The following FRMD4A variants were observed in gnomAD, a reference collection of about 807,000 sequenced individuals.
The protein encoded by FRMD4A is FERM domain-containing protein 4A.
A neutral mutation model predicts 129.1 loss-of-function variants in FRMD4A; 29 were observed. That is an observed-to-expected ratio of 0.22 (90% CI 0.17 to 0.31). The LOEUF is 0.31. FRMD4A is among the 10% of genes least tolerant of loss of function. The probability of loss-of-function intolerance (pLI) is 1.00; values close to 1 mark genes in which losing one functional copy is unlikely to be tolerated. For missense variants in FRMD4A, 1,272 were observed against 1,375.8 expected, an observed-to-expected ratio of 0.92 and a Z score of 1.19; for synonymous variants, 634 against 571.6, an observed-to-expected ratio of 1.11 and a Z score of -1.56.
chr10:13,715,461 G>A (rs1054511245), intron 12 of FRMD4A, among the ~76,000 whole-genome samples: 7 of 152,090 alleles, frequency 4.6e-5, no homozygotes, highest in Non-Finnish European at 8.8e-5. Context: ...GCCACTTACC[G>A]GCTGTGTATT....
At chr10:14,209,011 C>A (rs368580229) in intron 2 of FRMD4A, among the ~76,000 whole-genome samples, 1 of 152,112 alleles carries the variant, frequency 6.6e-6, no homozygotes, top group Non-Finnish European at 1.5e-5. Context: ...AGAGGTCAGG[C>A]ACTGTATACC....
At chr10:14,022,605 G>C (rs924484150) in intron 2 of FRMD4A, among the ~76,000 whole-genome samples, 5 of 152,142 alleles carry the variant, frequency 3.3e-5, no homozygotes, top group Non-Finnish European at 5.9e-5. Flanking sequence ...GTAAATAAGG[G>C]GTAAAAATTG....
intron 6 of FRMD4A, among the ~76,000 whole-genome samples, chr10:13,764,184 C>CGTGTGTGTGTGTGT (rs369852562): frequency 1.1e-4 from 16 of 141,696 alleles, no homozygotes; most frequent in African/African-American, 4.3e-4. Flanking sequence ...CAAAGATTTC[C>CGTGTGTGTGTGTGT]GTGTGTGTGT....
chr10:13,778,786 T>A (rs759155473), intron 6 of FRMD4A, among the ~76,000 whole-genome samples: 44 of 152,094 alleles, frequency 2.9e-4, no homozygotes, highest in Non-Finnish European at 4.9e-4. Flanking sequence ...GGGTGCACCA[T>A]AGCCTGGCCA....
chr10:13,860,522 A>G (rs1217155887), intron 2 of FRMD4A, among the ~76,000 whole-genome samples: 2 of 152,158 alleles, frequency 1.3e-5, no homozygotes, highest in African/African-American at 2.4e-5. Flanking sequence ...TAGAGAACTC[A>G]ATGCCTATTT....
intron 2 of FRMD4A, among the ~76,000 whole-genome samples, chr10:14,165,723 G>C (rs1441062922): frequency 6.6e-6 from 1 of 152,170 alleles, no homozygotes; most frequent in African/African-American, 2.4e-5. Context: ...TGGAGCTGGA[G>C]CCCATTATCT....
intron 2 of FRMD4A, among the ~76,000 whole-genome samples, chr10:14,184,317 T>G (rs1372369133): frequency 2.0e-5 from 3 of 147,844 alleles, no homozygotes; most frequent in Non-Finnish European, 4.5e-5. Flanking sequence ...TTTTTTTTAG[T>G]AGAGATGGGG....
chr10:13,698,414 T>C (rs1351570973), intron 14 of FRMD4A, among the ~76,000 whole-genome samples: 3 of 152,202 alleles, frequency 2.0e-5, no homozygotes, highest in Non-Finnish European at 2.9e-5. Flanking sequence ...CCCAGCCCTG[T>C]CGGCCATCAC....
At chr10:14,205,930 C>T (rs968235412) in intron 2 of FRMD4A, among the ~76,000 whole-genome samples, 1 of 152,046 alleles carries the variant, frequency 6.6e-6, no homozygotes, top group Non-Finnish European at 1.5e-5. Context: ...CTCAAGGTCC[C>T]CTTCTCGTCG....
intron 2 of FRMD4A, among the ~76,000 whole-genome samples, chr10:13,959,989 T>C (rs1385789898): frequency 6.6e-6 from 1 of 152,148 alleles, no homozygotes; most frequent in African/African-American, 2.4e-5. Flanking sequence ...AATCACAAAA[T>C]GCTTGCCTTG....
chr10:14,108,451 A>C (rs947861749), intron 2 of FRMD4A, among the ~76,000 whole-genome samples: 1 of 152,058 alleles, frequency 6.6e-6, no homozygotes, highest in Non-Finnish European at 1.5e-5. Flanking sequence ...TGAGGTTTAA[A>C]CTCTTTGGCA....
At chr10:14,260,568 G>A (rs1844767495) in intron 2 of FRMD4A, among the ~76,000 whole-genome samples, 3 of 152,144 alleles carry the variant, frequency 2.0e-5, no homozygotes, top group African/African-American at 7.2e-5. Context: ...CAAGGACAGG[G>A]TTGAATAATT....
chr10:14,317,011 T>C (rs1271141381), intron 2 of FRMD4A, among the ~76,000 whole-genome samples: 1 of 152,220 alleles, frequency 6.6e-6, no homozygotes, highest in Admixed American at 6.5e-5. Context: ...TTAGTTCAAG[T>C]CCACTTTGTC....
chr10:14,185,685 T>TAGC (rs560109415), intron 2 of FRMD4A, among the ~76,000 whole-genome samples: 46 of 152,240 alleles, frequency 3.0e-4, no homozygotes, highest in Non-Finnish European at 6.2e-4. Flanking sequence ...GAAGAGAGGA[T>TAGC]AGCAGCAGCT....
chr10:13,951,519 T>C (rs1183522531), intron 2 of FRMD4A, among the ~76,000 whole-genome samples: 2 of 152,080 alleles, frequency 1.3e-5, no homozygotes, highest in Admixed American at 1.3e-4. Context: ...AGAGTACAGA[T>C]GAAGGGATCC....
At chr10:13,682,737 T>C (rs1023136839) in intron 15 of FRMD4A, among the ~76,000 whole-genome samples, 3 of 152,294 alleles carry the variant, frequency 2.0e-5, no homozygotes, top group Non-Finnish European at 2.9e-5. Flanking sequence ...CTTGAACTCC[T>C]GACCCTGTGA....
At chr10:14,163,831 G>T (rs1443364171) in intron 2 of FRMD4A, among the ~76,000 whole-genome samples, 1 of 152,192 alleles carries the variant, frequency 6.6e-6, no homozygotes, top group Non-Finnish European at 1.5e-5. Flanking sequence ...CTTGCTTCCC[G>T]AGTCGTGTTC....
chr10:14,013,622 T>C (rs75584458), intron 2 of FRMD4A, among the ~76,000 whole-genome samples: 4,551 of 152,186 alleles, frequency 0.03, 95 homozygotes, highest in East Asian at 0.089. Context: ...AAACACCCAT[T>C]AGTCCCAGAG....
chr10:13,685,171 G>C, intron 15 of FRMD4A: 6 of 984,962 alleles, frequency 6.1e-6, no homozygotes, highest in Non-Finnish European at 7.2e-6. Context: ...CATGCTTGGA[G>C]AACTTTTCAT....
Sources: allele counts gnomAD v4.1 joint callset (sites outside exome capture counted in the v4.1 genomes callset), GRCh38; gene constraint gnomAD v4.1.1; transcripts MANE v1.5; gene names NCBI Gene and HGNC (gene_info 2026-07-23, HGNC 2026-07-21).